The following IPO8 variants were observed in gnomAD, a reference collection of about 807,000 sequenced individuals.
IPO8 encodes importin-8.
A neutral mutation model predicts 141.2 loss-of-function variants in IPO8; 65 were observed. The ratio of observed to expected loss-of-function variants is 0.46; its 90% confidence interval spans 0.38 to 0.57. The LOEUF is 0.57. Among genes scored for constraint, IPO8 ranks in the 20% least tolerant of loss-of-function variants. The pLI, the probability that IPO8 is intolerant of heterozygous loss-of-function variation, is 0.00. For synonymous variants in IPO8, 411 were observed against 420.3 expected (o/e 0.98, Z 0.27); for missense variants, 980 against 1,246.8 (o/e 0.79, Z 3.22).
chr12:30,694,859 G>C, intron 1 of IPO8: 1 of 373,006 alleles, frequency 2.7e-6, no homozygotes, highest in East Asian at 7.8e-5. Context: ...TTAAAATTTT[G>C]AAGTGTGGGG....
chr12:30,631,600 T>C, intron 24 of IPO8: 1 of 225,622 alleles, frequency 4.4e-6, no homozygotes, highest in Non-Finnish European at 8.7e-6. Context: ...ACTGATTAAG[T>C]CTCCCTCGGC....
At chr12:30,644,085 T>C (rs1406698548) in intron 20 of IPO8, among the ~76,000 whole-genome samples, 2 of 152,196 alleles carry the variant, frequency 1.3e-5, no homozygotes, top group Non-Finnish European at 2.9e-5. Flanking sequence ...AGATACCTGT[T>C]GGGGACAGGT....
chr12:30,665,525 C>CACAT (rs1468632859), intron 12 of IPO8, among the ~76,000 whole-genome samples: 5 of 152,152 alleles, frequency 3.3e-5, no homozygotes, highest in Non-Finnish European at 7.4e-5. Flanking sequence ...GTATCCCTTT[C>CACAT]ACATATCAAT....
At chr12:30,631,506 T>C (rs2052432023) in intron 24 of IPO8, 1 of 170,014 alleles carries the variant, frequency 5.9e-6, no homozygotes, top group Non-Finnish European at 1.3e-5. Context: ...ATAGAGAGCA[T>C]TCCATTTCCA....
chr12:30,656,037 G>T (rs2052795008), intron 17 of IPO8, among the ~76,000 whole-genome samples: 1 of 152,042 alleles, frequency 6.6e-6, no homozygotes, highest in African/African-American at 2.4e-5. Flanking sequence ...TAGATAATAG[G>T]ACAATTAATT....
Position 30,639,709 on chromosome 12 carries a change from A to G in IPO8, c.2295T>C (p.Val765=), listed in dbSNP as rs1247868661. The G allele has an allele frequency of 1.9e-6, 3 of 1,613,954 alleles. No individual in the cohort carries two copies. The highest frequency in any genetic ancestry group is 2.7e-5 in the African/African-American group (2 of 74,926). ...TGACCCCTCGAGTTAATCTCTCCAA[A>G]ACAAGTTGAACGAAGAGTGGAATGC... ...DQCIPLFVQL[V]LERLTRGVKT... The change falls in exon 21 of 25, where the codon GTT becomes GTC. Residue 765 remains valine, a synonymous_variant. Coordinates refer to ENST00000256079, the MANE Select transcript of IPO8 (RefSeq NM_006390.4).
chr12:30,655,299 A>T (rs1231746496), intron 17 of IPO8, among the ~76,000 whole-genome samples: 1 of 151,976 alleles, frequency 6.6e-6, no homozygotes, highest in East Asian at 1.9e-4. Context: ...CCTGGCAACC[A>T]CTGGTCTTTT....
At chr12:30,639,257 T>C (rs966771290) in intron 21 of IPO8, among the ~76,000 whole-genome samples, 3 of 152,048 alleles carry the variant, frequency 2.0e-5, no homozygotes, top group Admixed American at 2.0e-4. Context: ...GATACAATGA[T>C]ACACTTGTGT....
chr12:30,672,626 T>C (rs2053067552), intron 8 of IPO8, among the ~76,000 whole-genome samples: 1 of 152,132 alleles, frequency 6.6e-6, no homozygotes, highest in African/African-American at 2.4e-5. Context: ...AAAAAACAAT[T>C]GACTCACCAC....
At chr12:30,656,612 C>T (rs926832533) in intron 17 of IPO8, 72 bp downstream of exon 17, 9 of 833,454 alleles carry the variant, frequency 1.1e-5, no homozygotes, top group Non-Finnish European at 1.3e-5. Flanking sequence ...ATCTGAAGGG[C>T]TAAAATTATA....
At chr12:30,662,596 T>A in intron 14 of IPO8, 109 bp from the exon 15 acceptor site, 1 of 764,848 alleles carries the variant, frequency 1.3e-6, no homozygotes, top group Non-Finnish European at 2.3e-6. Context: ...TAAATCAGGT[T>A]CTAGATACAC....
chr12:30,659,710 C>T (rs1034694456), intron 16 of IPO8, among the ~76,000 whole-genome samples: 1 of 151,006 alleles, frequency 6.6e-6, no homozygotes, highest in Non-Finnish European at 1.5e-5. Flanking sequence ...AAAAAATTAG[C>T]TGGGCATGGT....
In IPO8 at chr12:30,652,848, C is replaced by T. The variant is rs575934155; in HGVS notation, c.2074+119G>A. The T allele has an allele frequency of 3.6e-4, 351 of 972,688 alleles. 2 individuals carry two copies. The highest frequency in any genetic ancestry group is 8.8e-4 in the South Asian group (50 of 57,016). The allele number at this position is 972,688 out of a possible 1,614,324, so 60.3% of individuals were successfully genotyped here. On this transcript the variant is annotated intron_variant, in intron 18 of 24. Transcript: ENST00000256079. ...ACAATAGCCCCAGCTTTTATGTGAC[C>T]GGGAAATAAAAACATTTTCTGATCA...
intron 13 of IPO8, among the ~76,000 whole-genome samples, chr12:30,664,750 C>CTT (rs60452057): frequency 2.0e-4 from 30 of 150,772 alleles, no homozygotes; most frequent in Admixed American, 9.9e-4. Context: ...AAATATTTTC[C>CTT]TTTTTTTTTG....
intron 14 of IPO8, among the ~76,000 whole-genome samples, chr12:30,663,001 C>CA (rs1007250726): frequency 1.4e-5 from 2 of 147,090 alleles, no homozygotes; most frequent in African/African-American, 2.6e-5. Flanking sequence ...AACTTACTTT[C>CA]AAAGGTTTAT....
intron 2 of IPO8, chr12:30,688,504 C>A: frequency 5.5e-6 from 2 of 362,946 alleles, no homozygotes; most frequent in South Asian, 2.0e-5. Flanking sequence ...AAGCAAAAAT[C>A]ACAACATTCT....
intron 1 of IPO8, 145 bp from the exon 2 acceptor site, chr12:30,690,722 A>G (rs1257263475): frequency 1.9e-6 from 1 of 515,628 alleles, no homozygotes; most frequent in Non-Finnish European, 3.5e-6. Flanking sequence ...AATGAAGATT[A>G]CTAAAATACT....
chr12:30,656,179 G>A (rs1401294068), intron 17 of IPO8, among the ~76,000 whole-genome samples: 1 of 152,142 alleles, frequency 6.6e-6, no homozygotes, highest in African/African-American at 2.4e-5. Context: ...TGGCACCACA[G>A]ACACATGCCA....
At chr12:30,667,990 G>T (rs1044553424) in intron 10 of IPO8, among the ~76,000 whole-genome samples, 2 of 152,010 alleles carry the variant, frequency 1.3e-5, no homozygotes, top group Non-Finnish European at 2.9e-5. Flanking sequence ...AATTAGCCAG[G>T]TGTGGTGGCA....
Sources: gnomAD v4.1 joint callset for allele counts (sites outside exome capture counted in the v4.1 genomes callset) on GRCh38, gnomAD v4.1.1 for gene constraint, MANE v1.5 for transcripts, NCBI Gene and HGNC (gene_info 2026-07-23, HGNC 2026-07-21) for gene names.